The following GRAMD4 variants were observed in gnomAD, a reference collection of about 807,000 sequenced individuals.
GRAMD4 encodes the protein GRAM domain-containing protein 4.
GRAMD4 carries 25 observed loss-of-function variants against 83.9 expected under a neutral mutation model. The ratio of observed to expected loss-of-function variants is 0.30; its 90% CI spans 0.22 to 0.42. The LOEUF is 0.42. GRAMD4 is among the 10% of genes least tolerant of loss of function. GRAMD4 has a pLI of 1.00. For missense variants in GRAMD4, 593 were observed against 788.7 expected, an observed-to-expected ratio of 0.75 and a Z score of 2.97; for synonymous variants, 336 against 320.9, an observed-to-expected ratio of 1.05 and a Z score of -0.50.
intron 6 of GRAMD4, 40 bp downstream of exon 6, chr22:46,663,212 GCCCCGGTC>G: frequency 6.3e-7 from 1 of 1,587,692 alleles, no homozygotes; most frequent in Non-Finnish European, 8.6e-7. Context: ...TGCGTTAGGG[GCCCCGGTC>G]CCTGGGCTGA....
chr22:46,650,471 C>T (rs2082149802), intron 3 of GRAMD4, among the ~76,000 whole-genome samples: 1 of 151,910 alleles, frequency 6.6e-6, no homozygotes, highest in African/African-American at 2.4e-5. Context: ...CTCAGCCCCA[C>T]AGTCTGGGCC....
At chr22:46,643,419 C>A (rs976837082) in intron 3 of GRAMD4, among the ~76,000 whole-genome samples, 6 of 152,054 alleles carry the variant, frequency 3.9e-5, no homozygotes, top group African/African-American at 1.4e-4. Context: ...GACACAATGC[C>A]CCTGCATGCT....
chr22:46,633,062 C>T (rs997824382), intron 2 of GRAMD4, among the ~76,000 whole-genome samples: 2 of 152,210 alleles, frequency 1.3e-5, no homozygotes, highest in Non-Finnish European at 2.9e-5. Context: ...TGGGAGCCTC[C>T]AAGCTCTTCT....
intron 3 of GRAMD4, among the ~76,000 whole-genome samples, chr22:46,648,404 G>A (rs901574414): frequency 2.4e-4 from 36 of 151,334 alleles, no homozygotes; most frequent in Non-Finnish European, 2.5e-4. Context: ...ATGGCAGAGG[G>A]ATGGGTAGAT....
chr22:46,593,376 G>A (rs1227282267), intron 1 of GRAMD4, among the ~76,000 whole-genome samples: 2 of 152,094 alleles, frequency 1.3e-5, no homozygotes, highest in Non-Finnish European at 2.9e-5. Context: ...GACGGTGAAA[G>A]GGACGTTGTT....
intron 1 of GRAMD4, among the ~76,000 whole-genome samples, chr22:46,595,570 C>G (rs1226990059): frequency 1.3e-5 from 2 of 152,220 alleles, no homozygotes; most frequent in African/African-American, 4.8e-5. Context: ...CAAGGCAGCT[C>G]AGCCCTAGGT....
At chr22:46,665,978 C>G (rs565093309) in intron 9 of GRAMD4, among the ~76,000 whole-genome samples, 2 of 152,192 alleles carry the variant, frequency 1.3e-5, no homozygotes, top group Admixed American at 6.5e-5. Flanking sequence ...GCCCGAACAT[C>G]GCAGGGGGCT....
intron 1 of GRAMD4, among the ~76,000 whole-genome samples, chr22:46,600,658 C>A (rs552308105): frequency 6.6e-6 from 1 of 152,112 alleles, no homozygotes; most frequent in Admixed American, 6.6e-5. Flanking sequence ...TGCTAAGCCC[C>A]GGTCGCAGAG....
At position 46,622,260 on chromosome 22, in the gene GRAMD4, G is replaced by A. The variant is rs891412985; in HGVS notation, c.-50+1695G>A. On this transcript the variant is annotated intron_variant, in intron 1 of 18. Transcript: ENST00000406902. This position sits in a 1 kb window ranked among gnomAD's most constrained non-coding sequence, Gnocchi z 4.0. ...CTGCAGGCAGCCAAGAGTTCTGTGC[G>A]TGTCCAAGCGTGTCCCCTGCTTTCC... Among the ~76,000 whole-genome samples, 5 of 152,124 alleles carry A rather than the reference G, an allele frequency of 3.3e-5. No homozygotes were observed. The highest frequency in any genetic ancestry group is 7.2e-5 in the African/African-American group (3 of 41,422).
intron 3 of GRAMD4, among the ~76,000 whole-genome samples, chr22:46,655,237 T>C (rs1375932051): frequency 3.1e-5 from 3 of 96,178 alleles, no homozygotes; most frequent in Non-Finnish European, 6.0e-5. Flanking sequence ...AAAGCAAAGA[T>C]GAGGGGTGGT....
intron 2 of GRAMD4, among the ~76,000 whole-genome samples, chr22:46,629,279 G>C (rs1010506942): frequency 1.3e-5 from 2 of 152,112 alleles, no homozygotes; most frequent in Non-Finnish European, 2.9e-5. Flanking sequence ...TAAGGGGGAC[G>C]GCAGTCTCGT....
intron 1 of GRAMD4, among the ~76,000 whole-genome samples, chr22:46,578,151 G>A (rs1403773103): frequency 6.6e-6 from 1 of 152,218 alleles, no homozygotes; most frequent in South Asian, 2.1e-4. Flanking sequence ...GAAAGATTCG[G>A]TTTGGGGGAG....
chr22:46,622,387 G>A lies in GRAMD4; in HGVS notation c.-50+1822G>A, dbSNP rs1197555975. On this transcript the variant is annotated intron_variant, in intron 1 of 18. Coordinates refer to ENST00000406902, the MANE Select transcript of GRAMD4 (RefSeq NM_015124.5). The surrounding 1 kb of genome is among the most constrained non-coding windows in gnomAD (Gnocchi z 4.0). Reference sequence around the variant, plus strand: ...TCAGCTGCCGCAACCAGGAGGACTCGCCGGGTTTTTGAAAATGGAAGGAAG... The same window carrying A: ...TCAGCTGCCGCAACCAGGAGGACTCACCGGGTTTTTGAAAATGGAAGGAAG... Among the ~76,000 whole-genome samples, 12 of 152,156 alleles carry A rather than the reference G, an allele frequency of 7.9e-5. No individual in the cohort carries two copies. Among genetic ancestry groups the A allele is most frequent in the Admixed American group, 3.9e-4 (6 of 15,288 alleles).
intron 1 of GRAMD4, among the ~76,000 whole-genome samples, chr22:46,593,267 G>A (rs2081228035): frequency 6.6e-6 from 1 of 152,058 alleles, no homozygotes; most frequent in Admixed American, 6.6e-5. Flanking sequence ...CCCCTGCCTG[G>A]TTCCTTTTCC....
In GRAMD4 at chr22:46,659,358, C is replaced by T. The variant is rs566328164; in HGVS notation, c.404+1051C>T. Among the ~76,000 whole-genome samples, 5 of 152,250 alleles carry T rather than the reference C, an allele frequency of 3.3e-5. No individual in the cohort carries two copies. In the East Asian group the frequency reaches 7.7e-4, roughly 24 times the overall value. On this transcript the variant is annotated intron_variant, in intron 4 of 18. Transcript: ENST00000406902. The surrounding 1 kb of genome is among the most constrained non-coding windows in gnomAD (Gnocchi z 4.1). Reference sequence around the variant, plus strand: ...TCCCCACTCAGGTTCCACTCAGCCTCCCTCCAGCCTCCACTTAGCCTCCCT... The same window carrying T: ...TCCCCACTCAGGTTCCACTCAGCCTTCCTCCAGCCTCCACTTAGCCTCCCT...
chr22:46,621,528 C>T lies in GRAMD4; in HGVS notation c.-50+963C>T, dbSNP rs532957723. 7.5e-6 allele frequency among the ~76,000 whole-genome samples: 1 copy of T among 133,526 alleles called. No homozygotes were observed. Among genetic ancestry groups the T allele is most frequent in the South Asian group, 2.7e-4 (1 of 3,764 alleles). 87.6% of individuals were successfully genotyped at this position (133,526 alleles called of 152,430 possible). The stretch of plus-strand genomic sequence containing the variant: ...CGGTGTGTCGCGGAGGGCACCCCTA[C>T]CCCGGTGCAGGCGCAGGCTGGAGGC... On this transcript the variant is annotated intron_variant, in intron 1 of 18. Transcript: ENST00000406902. The surrounding 1 kb of genome is among the most constrained non-coding windows in gnomAD (Gnocchi z 5.8).
intron 3 of GRAMD4, among the ~76,000 whole-genome samples, chr22:46,647,263 T>C (rs144186715): frequency 3.0e-3 from 452 of 152,320 alleles, no homozygotes; most frequent in African/African-American, 0.011. Context: ...CTATATTATA[T>C]GGAATTTCCC....
upstream of GRAMD4, among the ~76,000 whole-genome samples, chr22:46,576,817 CCGTGGCAAGCGCGCGGACGG>C (rs1487617698): frequency 4.0e-5 from 6 of 148,662 alleles, no homozygotes; most frequent in East Asian, 7.8e-4. Context: ...GTGGCGTCCG[CCGTGGCAAGCGCGCGGACGG>C]CGTGGCCGTG....
chr22:46,633,835 G>A (rs1006893532), intron 2 of GRAMD4, among the ~76,000 whole-genome samples: 1 of 152,192 alleles, frequency 6.6e-6, no homozygotes, highest in Non-Finnish European at 1.5e-5. Flanking sequence ...CGTACAGGGG[G>A]TGTTTTCTGT....
Sources: gnomAD v4.1 joint callset for allele counts (sites outside exome capture counted in the v4.1 genomes callset) on GRCh38, gnomAD v4.1.1 for gene constraint, Gnocchi (gnomAD v3.1) non-coding constraint, MANE v1.5 for transcripts, NCBI Gene and HGNC (gene_info 2026-07-23, HGNC 2026-07-21) for gene names.